The following MAP3K5 variants were observed in gnomAD, a reference collection of about 807,000 sequenced individuals.
MAP3K5 encodes the protein ASK-1.
A neutral mutation model predicts 158.7 loss-of-function variants in MAP3K5; 56 were observed. The ratio of observed to expected loss-of-function variants is 0.35; its 90% CI spans 0.28 to 0.44. The LOEUF is 0.44. Ranked by LOEUF, MAP3K5 falls within the 20% of genes least tolerant of loss-of-function variation. MAP3K5 has a pLI of 1.00. For synonymous variants in MAP3K5, 579 were observed against 601.7 expected (o/e 0.96, Z 0.55); for missense variants, 1,294 against 1,674.8 (o/e 0.77, Z 3.97).
At chr6:136,757,583 T>TA (rs1783554480) in intron 1 of MAP3K5, among the ~76,000 whole-genome samples, 2 of 57,954 alleles carry the variant, frequency 3.5e-5, no homozygotes, top group Non-Finnish European at 8.5e-5. Context: ...TTATTTATTT[T>TA]TTATTTTTTT....
chr6:136,678,176 G>T (rs1779784959), intron 7 of MAP3K5, among the ~76,000 whole-genome samples: 1 of 151,844 alleles, frequency 6.6e-6, no homozygotes, highest in African/African-American at 2.4e-5. Context: ...TTTAATAAAA[G>T]GGAGTTGAAT....
At chr6:136,644,612 C>G (rs551032667) in intron 11 of MAP3K5, among the ~76,000 whole-genome samples, 37 of 152,312 alleles carry the variant, frequency 2.4e-4, no homozygotes, top group Admixed American at 2.4e-3. Context: ...GCACTGTCAG[C>G]TCCCTCAGCA....
At chr6:136,753,644 A>C (rs1356838370) in intron 1 of MAP3K5, among the ~76,000 whole-genome samples, 1 of 152,214 alleles carries the variant, frequency 6.6e-6, no homozygotes, top group African/African-American at 2.4e-5. Flanking sequence ...TATCCACTGA[A>C]TGCTTATTCA....
At chr6:136,573,603 T>G (rs1046145230) in intron 25 of MAP3K5, among the ~76,000 whole-genome samples, 1 of 152,160 alleles carries the variant, frequency 6.6e-6, no homozygotes, top group Admixed American at 6.5e-5. Flanking sequence ...AAGGGATTCA[T>G]GGAGGCTGAA....
At chr6:136,569,641 G>A (rs1036238505) in intron 25 of MAP3K5, among the ~76,000 whole-genome samples, 1 of 152,106 alleles carries the variant, frequency 6.6e-6, no homozygotes, top group African/African-American at 2.4e-5. Flanking sequence ...GTCTTTGCCT[G>A]TAACTTCTGT....
intron 10 of MAP3K5, among the ~76,000 whole-genome samples, chr6:136,654,111 CTAAG>C (rs367847280): frequency 6.6e-6 from 1 of 152,186 alleles, no homozygotes; most frequent in African/African-American, 2.4e-5. Context: ...TCGCAGATAA[CTAAG>C]TGTTAACATG....
chr6:136,612,411 T>A (rs1776383279), intron 17 of MAP3K5, among the ~76,000 whole-genome samples: 1 of 152,204 alleles, frequency 6.6e-6, no homozygotes, highest in Admixed American at 6.5e-5. Context: ...GATGTATGTA[T>A]AATTAAATTA....
At position 136,768,120 on chromosome 6, in the gene MAP3K5, T is replaced by C. The variant is rs540369354; in HGVS notation, c.448+23590A>G. ...TCTAACTCTTAGAAGAAAACATAGG[T>C]GTAAATCTCTGTGACATTGAATTGG... On this transcript the variant is annotated intron_variant, in intron 1 of 29. Coordinates refer to ENST00000359015, the MANE Select transcript of MAP3K5 (RefSeq NM_005923.4). Among the ~76,000 whole-genome samples, 3 of 152,314 alleles carry C rather than the reference T, an allele frequency of 2.0e-5. No individual in the cohort carries two copies. The East Asian group carries it at 5.8e-4, about 29-fold the overall frequency.
intron 3 of MAP3K5, among the ~76,000 whole-genome samples, chr6:136,699,328 G>A (rs952774688): frequency 3.3e-5 from 5 of 152,170 alleles, no homozygotes; most frequent in African/African-American, 1.2e-4. Context: ...GACCTGGCCT[G>A]AGCCACTGCC....
chr6:136,757,579 A>ATTTTTTTTTTTTTTTTTT (rs776508913), intron 1 of MAP3K5, among the ~76,000 whole-genome samples: 1 of 111,972 alleles, frequency 8.9e-6, no homozygotes, highest in African/African-American at 3.2e-5. Context: ...TTATTTATTT[A>ATTTTTTTTTTTTTTTTTT]TTTTTTATTT....
chr6:136,632,315 A>G (rs1562563667), intron 14 of MAP3K5, among the ~76,000 whole-genome samples: 1 of 152,014 alleles, frequency 6.6e-6, no homozygotes, highest in Non-Finnish European at 1.5e-5. Context: ...GAGGTCAGGA[A>G]TTCAAAGCCA....
At chr6:136,734,352 G>A (rs190278949) in intron 1 of MAP3K5, among the ~76,000 whole-genome samples, 3 of 149,294 alleles carry the variant, frequency 2.0e-5, no homozygotes, top group South Asian at 2.1e-4. Context: ...CACGAGAGAC[G>A]GAGGTTACAG....
chr6:136,713,133 G>C (rs1733260209), intron 2 of MAP3K5, among the ~76,000 whole-genome samples: 1 of 152,134 alleles, frequency 6.6e-6, no homozygotes, highest in Non-Finnish European at 1.5e-5. Flanking sequence ...CATTTATATA[G>C]CATAAGTGAA....
intron 7 of MAP3K5, among the ~76,000 whole-genome samples, chr6:136,677,934 C>A (rs1475943667): frequency 1.3e-5 from 2 of 152,220 alleles, no homozygotes; most frequent in African/African-American, 4.8e-5. Context: ...CATAATACTT[C>A]TAATTCTGAC....
At chr6:136,665,139 AG>A (rs1288777043) in intron 8 of MAP3K5, among the ~76,000 whole-genome samples, 1 of 152,174 alleles carries the variant, frequency 6.6e-6, no homozygotes, top group Non-Finnish European at 1.5e-5. Flanking sequence ...ATCATGTAAA[AG>A]GGGTAAAATG....
chr6:136,738,377 CCTG>C (rs1782564534), intron 1 of MAP3K5, among the ~76,000 whole-genome samples: 6 of 152,056 alleles, frequency 3.9e-5, no homozygotes, highest in African/African-American at 1.4e-4. Context: ...CTCCAAGGGA[CCTG>C]ACTGTTTTAA....
intron 1 of MAP3K5, among the ~76,000 whole-genome samples, chr6:136,784,277 A>G (rs527334419): frequency 1.3e-5 from 2 of 152,348 alleles, no homozygotes; most frequent in Admixed American, 1.3e-4. Flanking sequence ...GATGTGGGGT[A>G]AGAAATTGGT....
chr6:136,628,570 A>C (rs1451071592), intron 14 of MAP3K5, among the ~76,000 whole-genome samples: 1 of 152,192 alleles, frequency 6.6e-6, no homozygotes. Flanking sequence ...AGAATACATA[A>C]ACCTTGATGA....
At chr6:136,777,121 A>G (rs1411562682) in intron 1 of MAP3K5, among the ~76,000 whole-genome samples, 1 of 152,228 alleles carries the variant, frequency 6.6e-6, no homozygotes, top group Non-Finnish European at 1.5e-5. Context: ...AAGTCAAGCC[A>G]ACTATTCTTG....
Sources: allele counts gnomAD v4.1 joint callset (sites outside exome capture counted in the v4.1 genomes callset), GRCh38; gene constraint gnomAD v4.1.1; transcripts MANE v1.5; gene names NCBI Gene and HGNC (gene_info 2026-07-23, HGNC 2026-07-21).